Variants in FAM53B observed in about 807,000 individuals in gnomAD.
FAM53B encodes protein FAM53B.
In FAM53B, 12 loss-of-function variants were observed where a neutral mutation model predicts 32.7. The ratio of observed to expected loss-of-function variants is 0.37; its 90% CI spans 0.24 to 0.59. The LOEUF is 0.59. FAM53B is among the 20% of genes least tolerant of loss of function. The pLI, the probability that FAM53B is intolerant of heterozygous loss-of-function variation, is 0.72. For synonymous variants in FAM53B, 234 were observed against 228.7 expected (o/e 1.02, Z -0.21); for missense variants, 477 against 577.7 (o/e 0.83, Z 1.79).
chr10:124,699,401 G>A (rs574851928), intron 2 of FAM53B, among the ~76,000 whole-genome samples: 1 of 152,346 alleles, frequency 6.6e-6, no homozygotes, highest in South Asian at 2.1e-4. Flanking sequence ...CCTCAGTGGG[G>A]AAGGGCTGAG....
chr10:124,722,558 G>A (rs553310141), intron 1 of FAM53B, among the ~76,000 whole-genome samples: 8 of 152,274 alleles, frequency 5.3e-5, no homozygotes, highest in Admixed American at 2.6e-4. Flanking sequence ...ATGGGTAGCC[G>A]GGAACAGAGA....
chr10:124,692,294 G>C (rs1949838261), intron 3 of FAM53B, among the ~76,000 whole-genome samples: 3 of 152,314 alleles, frequency 2.0e-5, no homozygotes, highest in Admixed American at 2.0e-4. Context: ...ACACTGAGAA[G>C]AACAAAACCA....
intron 4 of FAM53B, among the ~76,000 whole-genome samples, chr10:124,680,601 G>A (rs754423178): frequency 8.5e-5 from 13 of 152,178 alleles, no homozygotes; most frequent in South Asian, 2.1e-4. Flanking sequence ...CCTGCCTGCC[G>A]TGGATCTGGC....
chr10:124,627,972 C>G (rs992481376), intron 4 of FAM53B, among the ~76,000 whole-genome samples: 2 of 152,218 alleles, frequency 1.3e-5, no homozygotes, highest in Non-Finnish European at 2.9e-5. Flanking sequence ...AGACCTGCCT[C>G]AGGAAACTCA....
intron 4 of FAM53B, among the ~76,000 whole-genome samples, chr10:124,638,118 C>A (rs895493160): frequency 2.5e-4 from 38 of 152,128 alleles, no homozygotes; most frequent in Non-Finnish European, 1.2e-4. Context: ...ACCTGTAATC[C>A]CAGGACTTTG....
intron 4 of FAM53B, among the ~76,000 whole-genome samples, chr10:124,657,153 TATATGTGTGTATATATATATGTAC>T (rs1949597235): frequency 3.3e-5 from 4 of 122,172 alleles, no homozygotes; most frequent in South Asian, 2.9e-4. Context: ...TATATGTGTA[TATATGTGTGTATATATATATGTAC>T]ATATATATAT....
At chr10:124,741,958 G>A (rs576489558) in intron 1 of FAM53B, among the ~76,000 whole-genome samples, 20 of 152,192 alleles carry the variant, frequency 1.3e-4, no homozygotes, top group Non-Finnish European at 2.6e-4. Context: ...GAGGTTGCTA[G>A]TTTCTATTTA....
At chr10:124,637,410 G>A (rs991859613) in intron 4 of FAM53B, among the ~76,000 whole-genome samples, 1 of 152,162 alleles carries the variant, frequency 6.6e-6, no homozygotes, top group Non-Finnish European at 1.5e-5. Context: ...TCTTCGGCTT[G>A]AGCCCCGGGT....
chr10:124,671,212 A>G (rs1949705609), intron 4 of FAM53B: 2 of 453,600 alleles, frequency 4.4e-6, no homozygotes, highest in Non-Finnish European at 4.5e-6. Flanking sequence ...CTGCATTTCC[A>G]ACATTCACAG....
chr10:124,653,509 G>A (rs1275038011), intron 4 of FAM53B, among the ~76,000 whole-genome samples: 1 of 152,212 alleles, frequency 6.6e-6, no homozygotes. Context: ...GCAAGAACAA[G>A]ATGGGCTGCG....
chr10:124,736,541 C>A (rs889867434), intron 1 of FAM53B, among the ~76,000 whole-genome samples: 6 of 152,286 alleles, frequency 3.9e-5, no homozygotes, highest in African/African-American at 1.2e-4. Context: ...GCGGACAGAA[C>A]CTCCCTCTGC....
intron 1 of FAM53B, among the ~76,000 whole-genome samples, chr10:124,735,517 G>A (rs1317259255): frequency 6.6e-6 from 1 of 152,208 alleles, no homozygotes; most frequent in Non-Finnish European, 1.5e-5. Context: ...GAAGATGCTG[G>A]AGGAGAAAAG....
rs186974650 is a variant in FAM53B at position 124,652,902 on chromosome 10, C to T, written c.906+28705G>A. ...TGCCTCTCCAGCCCACACAGGCAGACGACGCCCTGTGTTGGTGTGTGCTCG... is the reference window on the plus strand; with the variant it reads ...TGCCTCTCCAGCCCACACAGGCAGATGACGCCCTGTGTTGGTGTGTGCTCG... On this transcript the variant is annotated intron_variant, in intron 4 of 4. Coordinates refer to ENST00000337318, the MANE Select transcript of FAM53B (RefSeq NM_014661.4). Among the ~76,000 whole-genome samples the T allele has an allele frequency of 6.6e-5, 10 of 152,306 alleles. No homozygotes were observed. The East Asian group carries it at 1.7e-3, about 26-fold the overall frequency.
At chr10:124,736,773 A>G (rs1213677251) in intron 1 of FAM53B, among the ~76,000 whole-genome samples, 1 of 152,248 alleles carries the variant, frequency 6.6e-6, no homozygotes. Flanking sequence ...CAGGACACAC[A>G]GCGGCCCCAG....
intron 3 of FAM53B, among the ~76,000 whole-genome samples, chr10:124,689,441 C>T (rs1391579893): frequency 2.0e-5 from 3 of 152,206 alleles, no homozygotes; most frequent in African/African-American, 4.8e-5. Flanking sequence ...GCTTTGCCTG[C>T]CAGGCCTCAG....
chr10:124,701,238 C>T (rs1401065479), intron 2 of FAM53B, among the ~76,000 whole-genome samples: 1 of 152,228 alleles, frequency 6.6e-6, no homozygotes, highest in Non-Finnish European at 1.5e-5. Flanking sequence ...ATGAAGAACC[C>T]CAGTGCCCAG....
intron 2 of FAM53B, among the ~76,000 whole-genome samples, chr10:124,697,321 A>G (rs1949880051): frequency 6.6e-6 from 1 of 152,142 alleles, no homozygotes; most frequent in African/African-American, 2.4e-5. Flanking sequence ...CACTCCCCAT[A>G]TCAAAATGAC....
chr10:124,713,015 A>G (rs1376655183), intron 1 of FAM53B, among the ~76,000 whole-genome samples: 2 of 152,188 alleles, frequency 1.3e-5, no homozygotes, highest in African/African-American at 4.8e-5. Context: ...GTGGGAGGGC[A>G]CACACACAGG....
intron 2 of FAM53B, among the ~76,000 whole-genome samples, chr10:124,697,221 G>C (rs1304725899): frequency 6.6e-6 from 1 of 152,152 alleles, no homozygotes; most frequent in Non-Finnish European, 1.5e-5. Context: ...GGCTGTGCTG[G>C]GGGTTGATCA....
Sources: allele counts gnomAD v4.1 joint callset (sites outside exome capture counted in the v4.1 genomes callset), GRCh38; gene constraint gnomAD v4.1.1; transcripts MANE v1.5; gene names NCBI Gene and HGNC (gene_info 2026-07-23, HGNC 2026-07-21).